Variants in PKNOX2 observed in about 807,000 individuals in gnomAD.
PKNOX2 encodes homeobox protein PKNOX2.
Under a neutral mutation model 53.1 loss-of-function variants are expected in PKNOX2, and 14 were observed. The ratio of observed to expected loss-of-function variants is 0.26; its 90% CI spans 0.17 to 0.41. The LOEUF (loss-of-function observed/expected upper bound fraction) is 0.41, where lower values mean the gene tolerates loss of function less well. Among genes scored for constraint, PKNOX2 ranks in the 10% least tolerant of loss-of-function variants. PKNOX2 has a pLI of 1.00. For synonymous variants in PKNOX2, 257 were observed against 242.8 expected (o/e 1.06, Z -0.54); for missense variants, 496 against 602.8 (o/e 0.82, Z 1.85).
chr11:125,372,126 T>C (rs1252418707), intron 5 of PKNOX2, among the ~76,000 whole-genome samples: 1 of 152,158 alleles, frequency 6.6e-6, no homozygotes, highest in Non-Finnish European at 1.5e-5. Flanking sequence ...CATTAAATGG[T>C]TAGGGAGCAC....
intron 2 of PKNOX2, among the ~76,000 whole-genome samples, chr11:125,284,668 C>A (rs911877699): frequency 1.3e-5 from 2 of 152,044 alleles, no homozygotes; most frequent in African/African-American, 4.8e-5. Flanking sequence ...TCCAGGCTAC[C>A]GAGTGCTTGA....
intron 1 of PKNOX2, among the ~76,000 whole-genome samples, chr11:125,224,433 C>T (rs954439705): frequency 2.0e-5 from 3 of 152,232 alleles, no homozygotes; most frequent in East Asian, 1.9e-4. Context: ...GGCAGATGGC[C>T]GTGCAGTCAG....
At chr11:125,282,037 G>A (rs1478145739) in intron 2 of PKNOX2, among the ~76,000 whole-genome samples, 2 of 152,220 alleles carry the variant, frequency 1.3e-5, no homozygotes, top group Non-Finnish European at 2.9e-5. Flanking sequence ...CGCCAGTGCT[G>A]TTGTGGTGTC....
chr11:125,303,118 G>A (rs1403926291), intron 2 of PKNOX2, among the ~76,000 whole-genome samples: 7 of 152,170 alleles, frequency 4.6e-5, no homozygotes, highest in Admixed American at 3.9e-4. Context: ...CCATCACACA[G>A]ACCACTGTGT....
intron 6 of PKNOX2, among the ~76,000 whole-genome samples, chr11:125,388,663 C>A (rs1166419577): frequency 6.6e-6 from 1 of 152,068 alleles, no homozygotes; most frequent in Non-Finnish European, 1.5e-5. Flanking sequence ...CCAGCCCCAA[C>A]AAGCCCCGCA....
chr11:125,185,677 T>C (rs1023808357), intron 1 of PKNOX2, among the ~76,000 whole-genome samples: 8 of 152,258 alleles, frequency 5.3e-5, no homozygotes, highest in African/African-American at 1.9e-4. Flanking sequence ...CATTAACATG[T>C]ATCAGAATTT....
chr11:125,298,137 A>T (rs1947782944), intron 2 of PKNOX2, among the ~76,000 whole-genome samples: 3 of 152,198 alleles, frequency 2.0e-5, no homozygotes, highest in Admixed American at 2.0e-4. Context: ...AGCTGGAGTG[A>T]GAGCTCTGGG....
chr11:125,419,098 A>G (rs1012424695), intron 10 of PKNOX2, among the ~76,000 whole-genome samples: 6 of 152,036 alleles, frequency 3.9e-5, no homozygotes, highest in Admixed American at 3.3e-4. Context: ...AATGTTTCTT[A>G]GAAACCACAT....
chr11:125,427,977 A>T (rs1039231968), intron 10 of PKNOX2, among the ~76,000 whole-genome samples: 1 of 152,094 alleles, frequency 6.6e-6, no homozygotes, highest in Non-Finnish European at 1.5e-5. Context: ...TCATTCTTTA[A>T]TGTGACCTGT....
At position 125,165,912 on chromosome 11, in the gene PKNOX2, C is replaced by G. The variant is rs1220809547; in HGVS notation, c.-201+1136C>G. 2.0e-5 allele frequency among the ~76,000 whole-genome samples: 3 copies of G among 152,142 alleles called. No homozygotes were observed. Among genetic ancestry groups the G allele is most frequent in the Admixed American group, 2.0e-4 (3 of 15,292 alleles). On this transcript the variant is annotated intron_variant, in intron 1 of 12. Coordinates refer to ENST00000298282, the MANE Select transcript of PKNOX2 (RefSeq NM_001382323.2). The surrounding 1 kb of genome is among the most constrained non-coding windows in gnomAD (Gnocchi z 4.5). ...TTAGGAGACGGGCTTTCCTGGCTCC[C>G]GATCCCCAGGAAGAAACGAGCGAAA...
chr11:125,170,030 C>T (rs1955161743), intron 1 of PKNOX2, among the ~76,000 whole-genome samples: 1 of 152,226 alleles, frequency 6.6e-6, no homozygotes, highest in African/African-American at 2.4e-5. Context: ...CTTTATTCCA[C>T]TGGGAAGGCA....
chr11:125,379,055 C>CTTTTTTTTTTTTT (rs35310311), intron 5 of PKNOX2, among the ~76,000 whole-genome samples: 3 of 124,442 alleles, frequency 2.4e-5, no homozygotes, highest in Non-Finnish European at 1.7e-5. Flanking sequence ...TTTTCTTTCT[C>CTTTTTTTTTTTTT]TTTTTTTTTT....
chr11:125,255,684 G>A (rs1324507156), intron 2 of PKNOX2, among the ~76,000 whole-genome samples: 5 of 151,954 alleles, frequency 3.3e-5, no homozygotes, highest in African/African-American at 4.8e-5. Flanking sequence ...GCGGGGTGAC[G>A]TACTAGAGAG....
rs541742113 is a variant in PKNOX2, at chr11:125,347,679, G to A, written c.-22-3605G>A. 1.4e-3 allele frequency among the ~76,000 whole-genome samples: 213 copies of A among 152,190 alleles called. 1 individual carries two copies. Among genetic ancestry groups the A allele is most frequent in the Non-Finnish European group, 2.4e-3 (162 of 68,012 alleles). On this transcript the variant is annotated intron_variant, in intron 3 of 12. Transcript: ENST00000298282. ...CGGTGGCTCCTGGGCTCTCTAAAAT[G>A]ACATTTTAGTTTCTTCTGATGATAT... is the stretch of plus-strand genomic sequence containing the variant.
intron 10 of PKNOX2, among the ~76,000 whole-genome samples, chr11:125,423,207 G>A (rs1241546315): frequency 6.6e-6 from 1 of 152,106 alleles, no homozygotes; most frequent in Non-Finnish European, 1.5e-5. Context: ...AAGGTCTCAC[G>A]CCGGTTAGAG....
intron 5 of PKNOX2, among the ~76,000 whole-genome samples, chr11:125,376,380 T>C (rs1952841341): frequency 6.6e-6 from 1 of 152,100 alleles, no homozygotes; most frequent in African/African-American, 2.4e-5. Flanking sequence ...GCTGGCTCGC[T>C]CCCACCCCCC....
chr11:125,198,898 T>C (rs1267884599), intron 1 of PKNOX2, among the ~76,000 whole-genome samples: 1 of 151,122 alleles, frequency 6.6e-6, no homozygotes, highest in Admixed American at 6.6e-5. Flanking sequence ...TGGAGTGTGG[T>C]GGCACGATCT....
intron 1 of PKNOX2, among the ~76,000 whole-genome samples, chr11:125,210,975 G>A (rs1415309289): frequency 2.6e-5 from 4 of 152,144 alleles, no homozygotes. Context: ...TCCATAACAT[G>A]TGAATAATAA....
chr11:125,421,538 A>G (rs751707799), intron 10 of PKNOX2, among the ~76,000 whole-genome samples: 1 of 152,244 alleles, frequency 6.6e-6, no homozygotes, highest in Non-Finnish European at 1.5e-5. Flanking sequence ...GAACAGGTTA[A>G]TGAACTTCTC....
Sources: allele counts gnomAD v4.1 joint callset (sites outside exome capture counted in the v4.1 genomes callset), GRCh38; gene constraint gnomAD v4.1.1; non-coding constraint Gnocchi (gnomAD v3.1); transcripts MANE v1.5; gene names NCBI Gene and HGNC (gene_info 2026-07-23, HGNC 2026-07-21).